CREB5: variants seen among roughly 807,000 people sequenced by gnomAD.
CREB5 encodes cyclic AMP-responsive element-binding protein 5.
A neutral mutation model predicts 57.1 loss-of-function variants in CREB5; 19 were observed. That is an observed-to-expected ratio of 0.33 (90% confidence interval 0.23 to 0.49). The LOEUF (loss-of-function observed/expected upper bound fraction) is 0.49. CREB5 is among the 20% of genes least tolerant of loss of function. The pLI is 0.99. For synonymous variants in CREB5, 238 were observed against 238.3 expected, an observed-to-expected ratio of 1.00 and a Z score of 0.01; for missense variants, 579 against 671.6, an observed-to-expected ratio of 0.86 and a Z score of 1.52.
intron 1 of CREB5, among the ~76,000 whole-genome samples, chr7:28,438,813 G>A (rs41437444): frequency 0.022 from 3,398 of 152,278 alleles, 96 homozygotes; most frequent in African/African-American, 0.072. Flanking sequence ...CTAACATTCT[G>A]TGATTTGTGA....
At chr7:28,651,178 T>C (rs1182711606) in intron 5 of CREB5, among the ~76,000 whole-genome samples, 1 of 152,192 alleles carries the variant, frequency 6.6e-6, no homozygotes, top group African/African-American at 2.4e-5. Context: ...CAAATATACT[T>C]TAGCATATGC....
chr7:28,732,796 C>T (rs1488874741), intron 7 of CREB5, among the ~76,000 whole-genome samples: 3 of 141,452 alleles, frequency 2.1e-5, no homozygotes, highest in Non-Finnish European at 4.5e-5. Context: ...GAAGGTGGGG[C>T]ATTCGGGTAG....
chr7:28,613,838 G>A (rs1368204029), intron 5 of CREB5, among the ~76,000 whole-genome samples: 1 of 152,282 alleles, frequency 6.6e-6, no homozygotes, highest in East Asian at 1.9e-4. Context: ...GCAAGAAAGT[G>A]GATCCTTTCA....
intron 5 of CREB5, among the ~76,000 whole-genome samples, chr7:28,582,094 T>C (rs1245894998): frequency 2.0e-5 from 3 of 152,190 alleles, no homozygotes; most frequent in Non-Finnish European, 4.4e-5. Flanking sequence ...AAAAACTGTT[T>C]AGTGGGAAAA....
chr7:28,550,638 A>C (rs963641413), intron 4 of CREB5, among the ~76,000 whole-genome samples: 6 of 152,008 alleles, frequency 3.9e-5, no homozygotes, highest in Non-Finnish European at 8.8e-5. Context: ...CACCTATAAA[A>C]TGTTCTTGGG....
intron 5 of CREB5, among the ~76,000 whole-genome samples, chr7:28,653,829 A>G (rs1367401389): frequency 6.6e-6 from 1 of 152,210 alleles, no homozygotes; most frequent in Admixed American, 6.5e-5. Flanking sequence ...TGCTTGCAAG[A>G]TTCCTGACTA....
intron 1 of CREB5, chr7:28,435,489 G>T (rs1413006132): frequency 4.1e-6 from 1 of 244,444 alleles, no homozygotes; most frequent in African/African-American, 2.4e-5. Context: ...GTGGCCTCTA[G>T]CTTCTGCTGG....
intron 8 of CREB5, among the ~76,000 whole-genome samples, chr7:28,806,755 G>A (rs575855545): frequency 6.6e-6 from 1 of 152,170 alleles, no homozygotes; most frequent in Admixed American, 6.5e-5. Context: ...ATGCCTTTGG[G>A]TGAAGGCACA....
intron 3 of CREB5, among the ~76,000 whole-genome samples, chr7:28,497,652 C>T (rs1027185538): frequency 1.3e-5 from 2 of 152,190 alleles, no homozygotes; most frequent in African/African-American, 4.8e-5. Context: ...GAAGGGAATG[C>T]AGAGCTATAC....
chr7:28,514,960 A>G (rs569091182), intron 4 of CREB5, among the ~76,000 whole-genome samples: 1 of 48,512 alleles, frequency 2.1e-5, no homozygotes, highest in East Asian at 6.1e-4. Flanking sequence ...CTGGACGTTA[A>G]TTTTGGGAAA....
intron 7 of CREB5, among the ~76,000 whole-genome samples, chr7:28,796,953 A>C (rs1808081247): frequency 2.6e-5 from 4 of 152,242 alleles, no homozygotes; most frequent in Admixed American, 2.6e-4. Flanking sequence ...CTGCTGAATT[A>C]TAAAAGACAG....
At chr7:28,630,354 C>T (rs1260312550) in intron 5 of CREB5, among the ~76,000 whole-genome samples, 1 of 152,156 alleles carries the variant, frequency 6.6e-6, no homozygotes, top group African/African-American at 2.4e-5. Flanking sequence ...TGCTCACTTC[C>T]AATGCCAGCT....
intron 1 of CREB5, among the ~76,000 whole-genome samples, chr7:28,448,901 G>A (rs981937507): frequency 6.6e-6 from 1 of 152,206 alleles, no homozygotes; most frequent in African/African-American, 2.4e-5. Flanking sequence ...GCAGCACCAC[G>A]GCTGGGATGC....
intron 9 of CREB5, among the ~76,000 whole-genome samples, chr7:28,811,199 A>G (rs914838334): frequency 6.6e-6 from 1 of 152,194 alleles, no homozygotes; most frequent in African/African-American, 2.4e-5. Flanking sequence ...CTCAGTAACC[A>G]TTTGTTAAAT....
At chr7:28,816,055 G>GCGCACACA (rs1554303451) in intron 9 of CREB5, among the ~76,000 whole-genome samples, 36 of 145,338 alleles carry the variant, frequency 2.5e-4, no homozygotes, top group African/African-American at 4.0e-4. Context: ...AAATATATAC[G>GCGCACACA]CACACACACA....
At chr7:28,504,949 C>G (rs1792418535) in intron 3 of CREB5, among the ~76,000 whole-genome samples, 2 of 152,144 alleles carry the variant, frequency 1.3e-5, no homozygotes, top group South Asian at 4.1e-4. Flanking sequence ...ATCACTACCT[C>G]TGTAAATTGG....
At chr7:28,455,864 G>A (rs1790073009) in intron 1 of CREB5, among the ~76,000 whole-genome samples, 1 of 152,202 alleles carries the variant, frequency 6.6e-6, no homozygotes, top group Non-Finnish European at 1.5e-5. Context: ...TTGTGCTTGT[G>A]CCCGACACTG....
intron 7 of CREB5, among the ~76,000 whole-genome samples, chr7:28,800,045 A>G (rs1317330927): frequency 6.6e-6 from 1 of 152,216 alleles, no homozygotes. Flanking sequence ...TTTAACACTG[A>G]GCAAACTCTA....
At chr7:28,415,841 T>G (rs1235558844) in intron 1 of CREB5, among the ~76,000 whole-genome samples, 1 of 152,238 alleles carries the variant, frequency 6.6e-6, no homozygotes, top group African/African-American at 2.4e-5. Flanking sequence ...GAGAAACGGG[T>G]GATGTTTTCA....
Sources: gnomAD v4.1 joint callset for allele counts (sites outside exome capture counted in the v4.1 genomes callset) on GRCh38, gnomAD v4.1.1 for gene constraint, MANE v1.5 for transcripts, NCBI Gene and HGNC (gene_info 2026-07-23, HGNC 2026-07-21) for gene names.